Variants in FGFR1OP2 observed in about 807,000 individuals in gnomAD.
The protein encoded by FGFR1OP2 is FGFR1 oncogene partner 2.
Under a neutral mutation model 35.2 loss-of-function variants are expected in FGFR1OP2, and 17 were observed. The ratio of observed to expected loss-of-function variants is 0.48; its 90% CI spans 0.33 to 0.73. The LOEUF is 0.73. Among genes scored for constraint, FGFR1OP2 ranks in the 30% least tolerant of loss-of-function variants. The pLI is 0.02. For missense variants in FGFR1OP2, 251 were observed against 307.3 expected (o/e 0.82, Z 1.37); for synonymous variants, 105 against 104.6 (o/e 1.00, Z -0.03).
Position 26,956,616 on chromosome 12 carries a change from A to G in FGFR1OP2, c.209A>G (p.Gln70Arg). 4 of 1,607,294 alleles carry G rather than the reference A, an allele frequency of 2.5e-6. No homozygotes were observed. The highest frequency in any genetic ancestry group is 3.4e-6 in the Non-Finnish European group (4 of 1,177,036). ...CGGTCCACGTTAGTTATGGGAATCC[A>G]GCAAGAAAACAGACAAATCAGAGAG... Reference protein sequence around the residue: ...RPRSTLVMGIQQENRQIRELQ... With the variant: ...RPRSTLVMGIRQENRQIRELQ... Residue 70 changes from glutamine (Q) to arginine (R), a missense_variant, in exon 3 of 7, where the codon CAG becomes CGG. Transcript: ENST00000229395.
chr12:26,946,500 T>A (rs1458395460), intron 1 of FGFR1OP2, among the ~76,000 whole-genome samples: 4 of 152,020 alleles, frequency 2.6e-5, no homozygotes, highest in African/African-American at 9.7e-5. Context: ...TTAGTAGAGG[T>A]GGGGTTTGGC....
rs1256920104 is a variant in FGFR1OP2 at position 26,964,735 on chromosome 12, G to C, written c.*2G>C. On this transcript the variant is annotated 3_prime_UTR_variant, in exon 7 of 7. Transcript: ENST00000229395. The stretch of plus-strand genomic sequence containing the variant: ...GATTTGAGTCTGAGGAAGAGCTGAA[G>C]AGTTTCTGAGTCTGTGAGCTTCTTA... 1 of 1,608,028 alleles carries C rather than the reference G, an allele frequency of 6.2e-7. No homozygotes were observed. The highest frequency in any genetic ancestry group is 1.7e-5 in the Admixed American group (1 of 59,958).
At chr12:26,954,745 C>T (rs1002559284) in intron 2 of FGFR1OP2, among the ~76,000 whole-genome samples, 2 of 152,120 alleles carry the variant, frequency 1.3e-5, no homozygotes, top group African/African-American at 2.4e-5. Flanking sequence ...AGTTATTGTA[C>T]CCATACTTGC....
chr12:26,949,240 A>G (rs1938876558), intron 1 of FGFR1OP2, among the ~76,000 whole-genome samples: 1 of 151,834 alleles, frequency 6.6e-6, no homozygotes, highest in South Asian at 2.1e-4. Flanking sequence ...GGTACAAGCG[A>G]TTCTCCTGTC....
Position 26,964,877 on chromosome 12 carries a change from A to G in FGFR1OP2, c.*144A>G. The stretch of plus-strand genomic sequence containing the variant: ...GCTATGAGATAGCAACAAAAAATGC[A>G]TAGTTAATGGTCATAGACTTTATTC... On this transcript the variant is annotated 3_prime_UTR_variant, in exon 7 of 7. Transcript: ENST00000229395. 4.1e-6 allele frequency: 3 copies of G among 738,752 alleles called. No homozygotes were observed. The highest frequency in any genetic ancestry group is 5.3e-5 in the East Asian group (2 of 37,670). The allele number at this position is 738,752 out of a possible 1,614,324, so 45.8% of individuals were successfully genotyped here.
chr12:26,950,556 G>A (rs1186002), intron 1 of FGFR1OP2, among the ~76,000 whole-genome samples: 2 of 152,126 alleles, frequency 1.3e-5, no homozygotes, highest in Non-Finnish European at 2.9e-5. Context: ...GGATATCTGA[G>A]AAACCTCTTT....
chr12:26,950,604 G>A (rs1207575121), intron 1 of FGFR1OP2, among the ~76,000 whole-genome samples: 1 of 152,122 alleles, frequency 6.6e-6, no homozygotes, highest in Admixed American at 6.5e-5. Flanking sequence ...TATTCTAAAA[G>A]CATATCACCT....
At chr12:26,940,291 A>T (rs1938712999) in intron 1 of FGFR1OP2, among the ~76,000 whole-genome samples, 3 of 152,192 alleles carry the variant, frequency 2.0e-5, no homozygotes, top group Non-Finnish European at 4.4e-5. Context: ...GTGTAATTTT[A>T]AAAAAATCCT....
rs1939192349 is a variant in FGFR1OP2 at position 26,966,626 on chromosome 12, T to G, written c.*1893T>G. On this transcript the variant is annotated 3_prime_UTR_variant, in exon 7 of 7. Transcript: ENST00000229395. ...ACTGCATAGGAACCTATTTTATTAT[T>G]AAAGATGAATGATTAAAATTGGTAT... The G allele has an allele frequency of 6.6e-6, 1 of 152,042 alleles. No individual in the cohort carries two copies. Among genetic ancestry groups the G allele is most frequent in the African/African-American group, 2.4e-5 (1 of 41,400 alleles). The allele number at this position is 152,042 out of a possible 1,614,324, so 9.4% of individuals were successfully genotyped here.
intron 1 of FGFR1OP2, among the ~76,000 whole-genome samples, chr12:26,952,634 ATAC>A (rs2136354353): frequency 6.7e-6 from 1 of 148,992 alleles, no homozygotes; most frequent in South Asian, 2.1e-4. Context: ...GAAATATTTT[ATAC>A]TGTTGAGTTA....
At chr12:26,963,648 C>T (rs992116084) in intron 6 of FGFR1OP2, among the ~76,000 whole-genome samples, 193 bp downstream of exon 6, 1 of 152,058 alleles carries the variant, frequency 6.6e-6, no homozygotes, top group African/African-American at 2.4e-5. Flanking sequence ...TAGTAACTTA[C>T]AATATACCAG....
At chr12:26,954,413 C>G (rs1938987273) in intron 2 of FGFR1OP2, 120 bp downstream of exon 2, 1 of 1,205,444 alleles carries the variant, frequency 8.3e-7, no homozygotes, top group East Asian at 2.6e-5. Flanking sequence ...AGTAGCTTGA[C>G]TTGTGTGTTT....
chr12:26,954,216 A>G lies in FGFR1OP2; in HGVS notation c.58A>G (p.Arg20Gly). The G allele has an allele frequency of 6.2e-7, 1 of 1,612,286 alleles. No individual in the cohort carries two copies. Among genetic ancestry groups the G allele is most frequent in the Non-Finnish European group, 8.5e-7 (1 of 1,178,914 alleles). Residue 20 changes from arginine to glycine, a missense_variant, in exon 2 of 7, where the codon AGA (arginine) becomes GGA (glycine). Coordinates refer to ENST00000229395, the MANE Select transcript of FGFR1OP2 (RefSeq NM_015633.3). ...ADAKALVERLRDHDDAAESLI... is the reference protein window; with the variant it reads ...ADAKALVERLGDHDDAAESLI... ...CGCTAAAGCTCTTGTTGAAAGATTA[A>G]GAGATCATGACGATGCAGCAGAATC...
chr12:26,948,834 C>T (rs1938869722), intron 1 of FGFR1OP2, among the ~76,000 whole-genome samples: 4 of 152,036 alleles, frequency 2.6e-5, no homozygotes, highest in Non-Finnish European at 1.5e-5. Flanking sequence ...TGTGTCTTTT[C>T]GGTAGGGGAC....
At chr12:26,963,279 AG>A in intron 5 of FGFR1OP2, 62 bp from the exon 6 acceptor site, 1 of 1,037,388 alleles carries the variant, frequency 9.6e-7, no homozygotes, top group Non-Finnish European at 1.5e-6. Flanking sequence ...TTTTATAAAA[AG>A]GAGAGGATCC....
chr12:26,944,064 A>G (rs1164829044), intron 1 of FGFR1OP2, among the ~76,000 whole-genome samples: 1 of 152,122 alleles, frequency 6.6e-6, no homozygotes, highest in Admixed American at 6.6e-5. Flanking sequence ...TGTTTTAAAA[A>G]AAAAAGTTTT....
intron 1 of FGFR1OP2, among the ~76,000 whole-genome samples, chr12:26,953,181 G>A (rs1319682011): frequency 1.3e-5 from 2 of 149,640 alleles, no homozygotes; most frequent in African/African-American, 2.5e-5. Context: ...GGAAAATGGC[G>A]TGAACCTGGG....
intron 1 of FGFR1OP2, among the ~76,000 whole-genome samples, chr12:26,950,212 TG>T (rs1938898534): frequency 7.9e-6 from 1 of 126,192 alleles, no homozygotes; most frequent in Non-Finnish European, 1.6e-5. Context: ...ATGTATTCGT[TG>T]TTTTTTTTTT....
At chr12:26,952,186 T>C (rs1349362470) in intron 1 of FGFR1OP2, among the ~76,000 whole-genome samples, 1 of 151,602 alleles carries the variant, frequency 6.6e-6, no homozygotes, top group Non-Finnish European at 1.5e-5. Context: ...ATGGGAGTTA[T>C]AGTGATGTCC....
Sources: gnomAD v4.1 joint callset for allele counts (sites outside exome capture counted in the v4.1 genomes callset) on GRCh38, gnomAD v4.1.1 for gene constraint, MANE v1.5 for transcripts, NCBI Gene and HGNC (gene_info 2026-07-23, HGNC 2026-07-21) for gene names.